Variants in ERBB4 observed in about 807,000 individuals in gnomAD.
The protein encoded by ERBB4 is erb-b2 receptor tyrosine kinase 4.
ERBB4 carries 42 observed loss-of-function variants against 158.0 expected under a neutral mutation model. The observed-to-expected ratio is 0.27, with a 90% CI of 0.21 to 0.34. ERBB4 has a LOEUF of 0.34. ERBB4 is among the 10% of genes least tolerant of loss of function. ERBB4 has a pLI of 1.00. For missense variants in ERBB4, 1,333 were observed against 1,624.1 expected (o/e 0.82, Z 3.08); for synonymous variants, 583 against 558.7 (o/e 1.04, Z -0.61).
At chr2:212,127,389 G>C (rs1331887909) in intron 1 of ERBB4, among the ~76,000 whole-genome samples, 1 of 152,104 alleles carries the variant, frequency 6.6e-6, no homozygotes, top group Admixed American at 6.5e-5. Flanking sequence ...TCAGGAGATC[G>C]AGACCATCCT....
chr2:212,181,112 A>G (rs527418808), intron 1 of ERBB4, among the ~76,000 whole-genome samples: 44 of 151,800 alleles, frequency 2.9e-4, no homozygotes, highest in African/African-American at 1.1e-3. Flanking sequence ...GTAGTCACTA[A>G]GTGTAGACCC....
At chr2:212,036,686 G>A (rs944281132) in intron 2 of ERBB4, among the ~76,000 whole-genome samples, 1 of 152,030 alleles carries the variant, frequency 6.6e-6, no homozygotes, top group South Asian at 2.1e-4. Context: ...GGATGCTCTT[G>A]ATCTCCTGAC....
rs1315888468 is a variant in ERBB4 at position 212,129,899 on chromosome 2, A to G, written c.83-4996T>C. Among the ~76,000 whole-genome samples the G allele has an allele frequency of 4.6e-5, 7 of 152,178 alleles. No homozygotes were observed. The South Asian group carries it at 1.4e-3, about 32-fold the overall frequency. ...TTGATTCAAACTATCTAGAATCCAC[A>G]GTATATTCATCATAAATTTTATCTT... On this transcript the variant is annotated intron_variant, in intron 1 of 27. Coordinates refer to ENST00000342788, the MANE Select transcript of ERBB4 (RefSeq NM_005235.3).
At chr2:211,528,585 C>T (rs2066413326) in intron 20 of ERBB4, among the ~76,000 whole-genome samples, 1 of 151,822 alleles carries the variant, frequency 6.6e-6, no homozygotes, top group Non-Finnish European at 1.5e-5. Flanking sequence ...CAAATTATTC[C>T]TAAGGATAGA....
At chr2:212,410,198 C>T (rs2091456817) in intron 1 of ERBB4, among the ~76,000 whole-genome samples, 1 of 151,802 alleles carries the variant, frequency 6.6e-6, no homozygotes, top group African/African-American at 2.4e-5. Context: ...TGTATGATAC[C>T]TGTTACTGTC....
intron 1 of ERBB4, among the ~76,000 whole-genome samples, chr2:212,293,990 A>G (rs2086317970): frequency 6.6e-6 from 1 of 152,006 alleles, no homozygotes; most frequent in African/African-American, 2.4e-5. Flanking sequence ...GTTCCCTTAG[A>G]AAATCAGAAT....
intron 25 of ERBB4, among the ~76,000 whole-genome samples, chr2:211,400,035 C>CT (rs765920678): frequency 1.8e-4 from 28 of 152,170 alleles, no homozygotes; most frequent in African/African-American, 6.0e-4. Context: ...GAAAATCAAA[C>CT]TTATAAGTCA....
chr2:212,273,739 T>C (rs1372353145), intron 1 of ERBB4, among the ~76,000 whole-genome samples: 5 of 151,828 alleles, frequency 3.3e-5, no homozygotes, highest in Admixed American at 6.6e-5. Flanking sequence ...CCTTCACATA[T>C]ATGTTGCTGA....
intron 5 of ERBB4, among the ~76,000 whole-genome samples, chr2:211,746,480 TTGA>T (rs1469354164): frequency 6.6e-6 from 1 of 152,028 alleles, no homozygotes; most frequent in Non-Finnish European, 1.5e-5. Context: ...GAATTATAAC[TTGA>T]TGATTTTCTT....
At chr2:212,257,469 T>C (rs899186426) in intron 1 of ERBB4, among the ~76,000 whole-genome samples, 8 of 152,200 alleles carry the variant, frequency 5.3e-5, no homozygotes, top group African/African-American at 1.9e-4. Context: ...ACTTATTTAA[T>C]ATTCAGTTTC....
At chr2:212,383,056 A>G (rs2090561235) in intron 1 of ERBB4, among the ~76,000 whole-genome samples, 1 of 151,148 alleles carries the variant, frequency 6.6e-6, no homozygotes, top group South Asian at 2.1e-4. Context: ...AACTTTTTCA[A>G]TTGTTTTTAA....
chr2:212,515,340 C>T (rs1167658032), intron 1 of ERBB4, among the ~76,000 whole-genome samples: 2 of 152,066 alleles, frequency 1.3e-5, no homozygotes, highest in Non-Finnish European at 2.9e-5. Flanking sequence ...TTGTAGTCCA[C>T]AGATTAATTG....
chr2:212,103,006 C>T (rs1216609105), intron 2 of ERBB4, among the ~76,000 whole-genome samples: 1 of 152,066 alleles, frequency 6.6e-6, no homozygotes, highest in Non-Finnish European at 1.5e-5. Flanking sequence ...CTCCATTTTC[C>T]ACGCAGCAAT....
At chr2:211,423,376 A>G (rs924390096) in intron 23 of ERBB4, among the ~76,000 whole-genome samples, 2 of 151,866 alleles carry the variant, frequency 1.3e-5, no homozygotes, top group Admixed American at 6.6e-5. Flanking sequence ...CACCTTCACA[A>G]GTTTGTTTCT....
intron 3 of ERBB4, among the ~76,000 whole-genome samples, chr2:211,844,497 T>A (rs1438552661): frequency 3.3e-5 from 5 of 152,200 alleles, no homozygotes; most frequent in Non-Finnish European, 5.9e-5. Flanking sequence ...GCTTTATTTC[T>A]CTCAGTTGAA....
intron 1 of ERBB4, among the ~76,000 whole-genome samples, chr2:212,451,076 G>A (rs1012531580): frequency 2.6e-5 from 4 of 152,116 alleles, no homozygotes; most frequent in Non-Finnish European, 4.4e-5. Flanking sequence ...CTATTATGAA[G>A]TAGAAAGTAG....
intron 1 of ERBB4, among the ~76,000 whole-genome samples, chr2:212,201,903 T>A (rs2082596293): frequency 6.6e-6 from 1 of 152,214 alleles, no homozygotes; most frequent in Non-Finnish European, 1.5e-5. Flanking sequence ...TTGGCACTTA[T>A]ATGAATTATT....
chr2:211,523,857 C>G (rs942815614), intron 20 of ERBB4, among the ~76,000 whole-genome samples: 46 of 152,120 alleles, frequency 3.0e-4, no homozygotes, highest in African/African-American at 1.1e-3. Flanking sequence ...TGGCCCCACC[C>G]ACGTCCTGCT....
intron 3 of ERBB4, among the ~76,000 whole-genome samples, chr2:211,839,396 A>G (rs981261032): frequency 6.6e-6 from 1 of 152,082 alleles, no homozygotes; most frequent in Non-Finnish European, 1.5e-5. Flanking sequence ...TAGGGGCTAC[A>G]TAACACTTAT....
Sources: allele counts gnomAD v4.1 joint callset (sites outside exome capture counted in the v4.1 genomes callset), GRCh38; gene constraint gnomAD v4.1.1; transcripts MANE v1.5; gene names NCBI Gene and HGNC (gene_info 2026-07-23, HGNC 2026-07-21).